The following EPB41L5 variants were observed in gnomAD, a reference collection of about 807,000 sequenced individuals.
EPB41L5 encodes the protein band 4.1-like protein 5.
A neutral mutation model predicts 106.6 loss-of-function variants in EPB41L5; 55 were observed. The ratio of observed to expected loss-of-function variants is 0.52; its 90% CI spans 0.42 to 0.65. The LOEUF is 0.65. Ranked by LOEUF, EPB41L5 falls within the 30% of genes least tolerant of loss-of-function variation. The pLI is 0.00. For missense variants in EPB41L5, 871 were observed against 882.1 expected, an observed-to-expected ratio of 0.99 and a Z score of 0.16; for synonymous variants, 297 against 306.7, an observed-to-expected ratio of 0.97 and a Z score of 0.33.
At chr2:120,015,827 G>A (rs1279296750) in intron 1 of EPB41L5, among the ~76,000 whole-genome samples, 1 of 150,548 alleles carries the variant, frequency 6.6e-6, no homozygotes, top group African/African-American at 2.4e-5. Context: ...GTATGTGCCC[G>A]TAGCCCTAGG....
rs140062541 is a variant in EPB41L5 at position 120,055,589 on chromosome 2, C to T, written c.285+13479C>T. ...CTGGAACCTCTGCCTCCCGGGTTCA[C>T]GCCATTCTCCTGCCTCAGCCTCCCT... On this transcript the variant is annotated intron_variant, in intron 3 of 24. Transcript: ENST00000263713. Among the ~76,000 whole-genome samples the T allele has an allele frequency of 5.3e-3, 768 of 145,534 alleles. 4 individuals carry two copies. The highest frequency in any genetic ancestry group is 0.019 in the African/African-American group (736 of 39,448).
At chr2:120,160,307 CCTTTA>C (rs1223445492) in intron 20 of EPB41L5, among the ~76,000 whole-genome samples, 4 of 151,998 alleles carry the variant, frequency 2.6e-5, no homozygotes, top group Admixed American at 6.6e-5. Context: ...TTCTTGGTTT[CCTTTA>C]CTTCTTTGTC....
At chr2:120,061,483 A>G (rs1317087095) in intron 3 of EPB41L5, among the ~76,000 whole-genome samples, 1 of 151,686 alleles carries the variant, frequency 6.6e-6, no homozygotes, top group African/African-American at 2.4e-5. Flanking sequence ...TCGGCCTCCC[A>G]AAGTGCTGGG....
intron 14 of EPB41L5, among the ~76,000 whole-genome samples, chr2:120,094,220 C>T (rs1177372330): frequency 1.3e-5 from 2 of 152,152 alleles, no homozygotes; most frequent in Non-Finnish European, 2.9e-5. Context: ...CTCCTGGGCT[C>T]AAGCAATCCT....
intron 16 of EPB41L5, among the ~76,000 whole-genome samples, chr2:120,114,496 T>C (rs947727132): frequency 6.6e-6 from 1 of 152,224 alleles, no homozygotes; most frequent in Non-Finnish European, 1.5e-5. Context: ...GGGTAAGCTA[T>C]AATGCTCTGT....
intron 12 of EPB41L5, among the ~76,000 whole-genome samples, chr2:120,090,952 G>C (rs919168004): frequency 6.6e-6 from 1 of 152,122 alleles, no homozygotes; most frequent in Non-Finnish European, 1.5e-5. Context: ...GAAATGTTTT[G>C]GTTTACTGCA....
chr2:120,023,875 TCTC>T, intron 2 of EPB41L5, among the ~76,000 whole-genome samples: 1 of 152,334 alleles, frequency 6.6e-6, no homozygotes, highest in Middle Eastern at 3.4e-3. Flanking sequence ...GGTTTGTAGT[TCTC>T]CTTGAAGAGG....
At chr2:120,035,137 C>G (rs1406217120) in intron 2 of EPB41L5, among the ~76,000 whole-genome samples, 2 of 152,000 alleles carry the variant, frequency 1.3e-5, no homozygotes, top group African/African-American at 4.8e-5. Context: ...TTTCAAATCT[C>G]CCTTATTAAA....
chr2:120,014,510 A>G (rs1677377509), intron 1 of EPB41L5, among the ~76,000 whole-genome samples: 1 of 152,178 alleles, frequency 6.6e-6, no homozygotes, highest in African/African-American at 2.4e-5. Flanking sequence ...TAATTAACAG[A>G]TATTTAATTA....
intron 16 of EPB41L5, among the ~76,000 whole-genome samples, chr2:120,122,143 G>A (rs1378819372): frequency 6.6e-6 from 1 of 152,128 alleles, no homozygotes; most frequent in Non-Finnish European, 1.5e-5. Flanking sequence ...CACTCTGATG[G>A]TAGTTTCTTT....
intron 3 of EPB41L5, among the ~76,000 whole-genome samples, chr2:120,049,039 A>T (rs1165155139): frequency 1.3e-5 from 2 of 152,118 alleles, no homozygotes; most frequent in African/African-American, 2.4e-5. Flanking sequence ...GTTTGTTATA[A>T]TTTCTATTCC....
At chr2:120,123,624 T>TGG (rs1685327381) in intron 16 of EPB41L5, among the ~76,000 whole-genome samples, 2 of 146,930 alleles carry the variant, frequency 1.4e-5, no homozygotes, top group Admixed American at 1.4e-4. Context: ...CAGTGGTGAA[T>TGG]GGGGATGGGG....
chr2:120,124,750 A>G (rs549112884), intron 16 of EPB41L5, among the ~76,000 whole-genome samples: 2 of 152,248 alleles, frequency 1.3e-5, no homozygotes, highest in Non-Finnish European at 2.9e-5. Flanking sequence ...TTCTTTAATC[A>G]TGAACAGTTC....
At chr2:120,087,130 T>G in intron 10 of EPB41L5, 41 bp from the exon 11 acceptor site, 1 of 1,220,106 alleles carries the variant, frequency 8.2e-7, no homozygotes, top group Non-Finnish European at 1.2e-6. Context: ...TTAGAGAACA[T>G]TTGTTTGTAA....
chr2:120,073,559 A>G (rs1682027117), intron 4 of EPB41L5, among the ~76,000 whole-genome samples: 1 of 152,248 alleles, frequency 6.6e-6, no homozygotes, highest in East Asian at 1.9e-4. Flanking sequence ...GTATTTTGAG[A>G]CTTTGTGATA....
At chr2:120,073,134 A>G (rs1681990726) in intron 3 of EPB41L5, 44 bp from the exon 4 acceptor site, 1 of 1,554,200 alleles carries the variant, frequency 6.4e-7, no homozygotes, top group Non-Finnish European at 8.8e-7. Context: ...CAAATTTTAA[A>G]GTTCTGTCAT....
intron 19 of EPB41L5, among the ~76,000 whole-genome samples, chr2:120,143,740 T>C (rs1375618168): frequency 2.0e-5 from 3 of 152,196 alleles, no homozygotes; most frequent in Admixed American, 2.0e-4. Context: ...TGAAGAGACC[T>C]GATTGGACTT....
intron 11 of EPB41L5, among the ~76,000 whole-genome samples, chr2:120,089,244 A>G (rs1683253650): frequency 6.6e-6 from 1 of 152,102 alleles, no homozygotes; most frequent in Non-Finnish European, 1.5e-5. Context: ...CATTTTTTAC[A>G]TTTTGCTTCA....
In EPB41L5 at chr2:120,167,506, C is replaced by G; in HGVS notation, c.2003C>G (p.Pro668Arg). Residue 668 changes from proline (P) to arginine (R), a missense_variant and splice_region_variant, in exon 23 of 25, where the codon CCG becomes CGG. Physicochemically the swap from Pro to Arg is moderately radical, Grantham distance 103. Transcript: ENST00000263713. ...TSMITPRWIV[P>R]QSGAMSNGLA... The stretch of plus-strand genomic sequence containing the variant: ...ATGATCACACCCCGGTGGATTGTTC[C>G]GGTAAGTTCATGTTATTTGTGATTT... 17 of 1,613,586 alleles carry G rather than the reference C, an allele frequency of 1.1e-5. No homozygotes were observed. Among genetic ancestry groups the G allele is most frequent in the Non-Finnish European group, 1.4e-5 (16 of 1,179,574 alleles).
Sources: gnomAD v4.1 joint callset for allele counts (sites outside exome capture counted in the v4.1 genomes callset) on GRCh38, gnomAD v4.1.1 for gene constraint, MANE v1.5 for transcripts, NCBI Gene and HGNC (gene_info 2026-07-23, HGNC 2026-07-21) for gene names.